Variants in PIGK observed in about 807,000 individuals in gnomAD.
PIGK encodes the protein phosphatidylinositol glycan anchor biosynthesis class K.
Under a neutral mutation model 50.6 loss-of-function variants are expected in PIGK, and 42 were observed. That is an observed-to-expected ratio of 0.83 (90% CI 0.65 to 1.07). The LOEUF is 1.07. PIGK is among the 50% of genes least tolerant of loss of function. The pLI, the probability that PIGK is intolerant of heterozygous loss-of-function variation, is 0.00. For missense variants in PIGK, 448 were observed against 488.7 expected, an observed-to-expected ratio of 0.92 and a Z score of 0.78; for synonymous variants, 151 against 156.0, an observed-to-expected ratio of 0.97 and a Z score of 0.24.
chr1:77,216,386 A>G (rs1038052665), intron 1 of PIGK, among the ~76,000 whole-genome samples: 3 of 152,336 alleles, frequency 2.0e-5, no homozygotes, highest in East Asian at 3.9e-4. Context: ...TTTCATTAGA[A>G]TATCATTTGC....
At chr1:77,167,906 T>G (rs4949774) in intron 4 of PIGK, among the ~76,000 whole-genome samples, 26,662 of 152,140 alleles carry the variant, frequency 0.18, 2,540 homozygotes, top group East Asian at 0.36. Flanking sequence ...AATAGTTCCA[T>G]GTTCACTACC....
In PIGK at chr1:77,135,535, CCT is replaced by C. The variant is rs1355327041; in HGVS notation, c.987-13178_987-13177del. On this transcript the variant is annotated intron_variant, in intron 9 of 10. Coordinates refer to ENST00000370812, the MANE Select transcript of PIGK (RefSeq NM_005482.3). ...ATTATATTTTCTGTCTGTAGTTATG[CCT>C]CTTTTTATCCTAATGCAGTATTGTT... is the stretch of plus-strand genomic sequence containing the variant. Among the ~76,000 whole-genome samples, 3 of 151,808 alleles carry C rather than the reference CCT, an allele frequency of 2.0e-5. No individual in the cohort carries two copies. In the East Asian group the frequency reaches 5.8e-4, roughly 29 times the overall value.
At chr1:77,115,953 C>T (rs981730732) in intron 10 of PIGK, among the ~76,000 whole-genome samples, 1 of 151,884 alleles carries the variant, frequency 6.6e-6, no homozygotes, top group African/African-American at 2.4e-5. Context: ...TAGGGGGAAC[C>T]AGAGAAAGCC....
rs546324839 is a variant in PIGK at position 77,138,689 on chromosome 1, C to T, written c.986+15760G>A. On this transcript the variant is annotated intron_variant, in intron 9 of 10. Transcript: ENST00000370812. ...CAGCAGTAGAAAACTAATACTCTCACGGGATTAGCTTGCTTTCTCAAATTG... is the reference window on the plus strand; with the variant it reads ...CAGCAGTAGAAAACTAATACTCTCATGGGATTAGCTTGCTTTCTCAAATTG... 7.2e-5 allele frequency among the ~76,000 whole-genome samples: 11 copies of T among 152,264 alleles called. No homozygotes were observed. In the South Asian group the frequency reaches 1.0e-3, roughly 14 times the overall value.
chr1:77,145,156 A>C (rs988368953), intron 9 of PIGK, among the ~76,000 whole-genome samples: 9 of 151,942 alleles, frequency 5.9e-5, no homozygotes, highest in African/African-American at 2.2e-4. Flanking sequence ...CCGAATCTCA[A>C]AGAGATGTTA....
At chr1:77,136,214 G>C (rs1654509739) in intron 9 of PIGK, among the ~76,000 whole-genome samples, 1 of 152,068 alleles carries the variant, frequency 6.6e-6, no homozygotes, top group South Asian at 2.1e-4. Context: ...ACTATCTTTT[G>C]GTTTCCGCTG....
At chr1:77,211,044 T>C (rs1656407193) in intron 1 of PIGK, among the ~76,000 whole-genome samples, 1 of 152,018 alleles carries the variant, frequency 6.6e-6, no homozygotes, top group African/African-American at 2.4e-5. Flanking sequence ...TATTTAAAAC[T>C]GCAACCTCGC....
intron 10 of PIGK, among the ~76,000 whole-genome samples, chr1:77,110,993 G>A (rs12143330): frequency 0.23 from 35,273 of 151,948 alleles, 5,051 homozygotes; most frequent in Non-Finnish European, 0.32. Flanking sequence ...GCAGCCAAAA[G>A]ACACATGAAA....
intron 10 of PIGK, among the ~76,000 whole-genome samples, chr1:77,094,393 T>C (rs1285528071): frequency 1.3e-5 from 2 of 152,170 alleles, no homozygotes; most frequent in African/African-American, 4.8e-5. Context: ...TGTAAACTCT[T>C]AACTAAGGAG....
At chr1:77,194,028 AC>A (rs1229300081) in intron 3 of PIGK, among the ~76,000 whole-genome samples, 1 of 151,770 alleles carries the variant, frequency 6.6e-6, no homozygotes, top group Non-Finnish European at 1.5e-5. Context: ...TGAGCAAAGG[AC>A]ATGAACAGAC....
At chr1:77,120,138 A>C (rs1654062911) in intron 10 of PIGK, among the ~76,000 whole-genome samples, 1 of 152,214 alleles carries the variant, frequency 6.6e-6, no homozygotes, top group Admixed American at 6.5e-5. Flanking sequence ...TAATTTAGAT[A>C]TAGATCAAAA....
chr1:77,144,621 C>G (rs1056644803), intron 9 of PIGK, among the ~76,000 whole-genome samples: 3 of 151,728 alleles, frequency 2.0e-5, no homozygotes, highest in African/African-American at 7.2e-5. Flanking sequence ...TTTATATATA[C>G]TGATTTCTTA....
chr1:77,099,562 C>G (rs1256390022), intron 10 of PIGK, among the ~76,000 whole-genome samples: 4 of 152,096 alleles, frequency 2.6e-5, no homozygotes, highest in Non-Finnish European at 1.5e-5. Context: ...AGCATTACAG[C>G]AACATAATGT....
intron 3 of PIGK, among the ~76,000 whole-genome samples, chr1:77,193,461 A>G (rs771132068): frequency 1.3e-5 from 2 of 152,174 alleles, no homozygotes; most frequent in Non-Finnish European, 2.9e-5. Context: ...AGACTCAATT[A>G]CAAGAATCAT....
chr1:77,137,312 A>G (rs1422825398), intron 9 of PIGK, among the ~76,000 whole-genome samples: 1 of 152,228 alleles, frequency 6.6e-6, no homozygotes, highest in Non-Finnish European at 1.5e-5. Flanking sequence ...AGAACCATGA[A>G]GGTTGAGCCC....
rs116706111 is a variant in PIGK, at chr1:77,188,045, G to A, written c.239+18595C>T. 3.8e-3 allele frequency among the ~76,000 whole-genome samples: 582 copies of A among 152,074 alleles called. 5 individuals are homozygous for A. The highest frequency in any genetic ancestry group is 0.013 in the African/African-American group (542 of 41,490). ...CTGTCAGCCGAGGAAGATGTATGTC[G>A]CCTCAGGACCCTGCACTAATTGCAT... is the stretch of plus-strand genomic sequence containing the variant. On this transcript the variant is annotated intron_variant, in intron 3 of 10. Transcript: ENST00000370812.
rs575303718 is a variant in PIGK at position 77,171,392 on chromosome 1, G to A, written c.240-1997C>T. Among the ~76,000 whole-genome samples the A allele has an allele frequency of 1.7e-3, 205 of 121,622 alleles. 2 individuals are homozygous for A. The highest frequency in any genetic ancestry group is 5.7e-3 in the African/African-American group (187 of 33,090). 79.8% of individuals were successfully genotyped at this position (121,622 alleles called of 152,430 possible). On this transcript the variant is annotated intron_variant, in intron 3 of 10. Coordinates refer to ENST00000370812, the MANE Select transcript of PIGK (RefSeq NM_005482.3). The stretch of plus-strand genomic sequence containing the variant: ...GCGGAGCTCGCAGTGAGCCGACATC[G>A]CGTCACTGCACTCCAGCCTGGGCAA...
intron 10 of PIGK, among the ~76,000 whole-genome samples, chr1:77,099,928 A>C (rs998754283): frequency 2.0e-5 from 3 of 152,126 alleles, no homozygotes; most frequent in African/African-American, 7.2e-5. Context: ...GCAATATGTT[A>C]TAAGCAAACA....
In PIGK at chr1:77,166,840, A is replaced by G. The variant is rs755610597; in HGVS notation, c.376-10T>C. On this transcript the variant is annotated splice_polypyrimidine_tract_variant and intron_variant, in intron 4 of 10. Transcript: ENST00000370812. ...AATTCTCCACAGTTACCTAAGGGGG[A>G]AAAAACAAGAAAAATCAGATGAAAT... 8 of 1,175,696 alleles carry G rather than the reference A, an allele frequency of 6.8e-6. 1 individual carries two copies. Among genetic ancestry groups the G allele is most frequent in the African/African-American group, 3.1e-5 (2 of 64,832 alleles). 72.8% of individuals were successfully genotyped at this position (1,175,696 alleles called of 1,614,324 possible).
Sources: allele counts gnomAD v4.1 joint callset (sites outside exome capture counted in the v4.1 genomes callset), GRCh38; gene constraint gnomAD v4.1.1; transcripts MANE v1.5; gene names NCBI Gene and HGNC (gene_info 2026-07-23, HGNC 2026-07-21).